The following GABRB2 variants were observed in gnomAD, a reference collection of about 807,000 sequenced individuals.
The protein encoded by GABRB2 is gamma-aminobutyric acid receptor subunit beta-2.
In GABRB2, 16 loss-of-function variants were observed where a neutral mutation model predicts 54.7. The ratio of observed to expected loss-of-function variants is 0.29; its 90% CI spans 0.20 to 0.44. GABRB2 has a LOEUF of 0.44. GABRB2 is among the 20% of genes least tolerant of loss of function. The pLI is 1.00. For synonymous variants in GABRB2, 244 were observed against 233.8 expected (o/e 1.04, Z -0.40); for missense variants, 355 against 644.0 (o/e 0.55, Z 4.86).
chr5:161,386,684 C>T (rs1755648416), intron 5 of GABRB2, among the ~76,000 whole-genome samples: 1 of 152,022 alleles, frequency 6.6e-6, no homozygotes. Flanking sequence ...TGTGGGACTA[C>T]AGGCGTGCTA....
At chr5:161,467,310 A>G (rs1231400692) in intron 3 of GABRB2, among the ~76,000 whole-genome samples, 1 of 152,122 alleles carries the variant, frequency 6.6e-6, no homozygotes, top group Non-Finnish European at 1.5e-5. Flanking sequence ...CCGCTTGTTG[A>G]AAGAACAACT....
chr5:161,392,158 G>A (rs6897303), intron 5 of GABRB2, among the ~76,000 whole-genome samples: 26,885 of 151,994 alleles, frequency 0.18, 3,445 homozygotes, highest in African/African-American at 0.36. Context: ...TGGCCTCTGT[G>A]TTCCAGGCCT....
intron 3 of GABRB2, among the ~76,000 whole-genome samples, chr5:161,513,038 A>G (rs1172720547): frequency 1.3e-5 from 2 of 151,686 alleles, no homozygotes; most frequent in Non-Finnish European, 2.9e-5. Context: ...CAATTATTGC[A>G]AAGATAAAAA....
At chr5:161,505,321 G>A (rs997674910) in intron 3 of GABRB2, among the ~76,000 whole-genome samples, 2 of 151,960 alleles carry the variant, frequency 1.3e-5, no homozygotes, top group Admixed American at 6.6e-5. Flanking sequence ...AGTAGAGACA[G>A]GGTTTCACCA....
chr5:161,381,373 T>C (rs1755462430), intron 5 of GABRB2, among the ~76,000 whole-genome samples: 3 of 152,182 alleles, frequency 2.0e-5, no homozygotes, highest in African/African-American at 7.2e-5. Context: ...GCAGTATCAT[T>C]ATAAGAATTT....
chr5:161,320,089 A>C (rs1046180660), intron 9 of GABRB2, among the ~76,000 whole-genome samples: 4 of 151,150 alleles, frequency 2.6e-5, no homozygotes, highest in African/African-American at 9.7e-5. Flanking sequence ...TTATGTCTTT[A>C]TTTTACTTGT....
intron 3 of GABRB2, among the ~76,000 whole-genome samples, chr5:161,521,049 C>T (rs1760097285): frequency 3.3e-5 from 5 of 151,984 alleles, no homozygotes; most frequent in Admixed American, 2.6e-4. Flanking sequence ...TTGAATGTGT[C>T]AATTCTTTAG....
chr5:161,294,454 C>T (rs900004772), intron 9 of GABRB2, 26 bp from the exon 10 acceptor site: 2 of 1,589,330 alleles, frequency 1.3e-6, no homozygotes, highest in African/African-American at 2.7e-5. Flanking sequence ...ATCAAAAAGA[C>T]AATCAGAACA....
At chr5:161,536,210 T>C (rs1401030105) in intron 3 of GABRB2, among the ~76,000 whole-genome samples, 1 of 152,174 alleles carries the variant, frequency 6.6e-6, no homozygotes, top group East Asian at 1.9e-4. Flanking sequence ...ATTCATGTTA[T>C]GATGATGGTG....
chr5:161,513,871 TG>T (rs965214058), intron 3 of GABRB2, among the ~76,000 whole-genome samples: 4 of 152,100 alleles, frequency 2.6e-5, no homozygotes, highest in African/African-American at 9.7e-5. Flanking sequence ...TAATAGAAAT[TG>T]CAACAAAAAT....
At chr5:161,364,556 G>T (rs923767919) in intron 5 of GABRB2, among the ~76,000 whole-genome samples, 2 of 152,046 alleles carry the variant, frequency 1.3e-5, no homozygotes, top group Non-Finnish European at 2.9e-5. Context: ...GGATTTAAAG[G>T]GATCTTAAAA....
rs536591927 is a variant in GABRB2 at position 161,342,763 on chromosome 5, A to G, written c.542-5994T>C. ...AAGACCCACAGTTCCTCAGAACCAT[A>G]TTCTGATTTTTAGTGGGTTAACCAT... On this transcript the variant is annotated intron_variant, in intron 5 of 9. Transcript: ENST00000393959. Among the ~76,000 whole-genome samples the G allele has an allele frequency of 3.3e-5, 5 of 152,174 alleles. No individual in the cohort carries two copies. In the East Asian group the frequency reaches 9.7e-4, roughly 30 times the overall value.
intron 8 of GABRB2, among the ~76,000 whole-genome samples, chr5:161,327,675 C>T (rs577264337): frequency 2.0e-5 from 3 of 152,216 alleles, no homozygotes; most frequent in African/African-American, 7.2e-5. Context: ...GCAGGCTTCC[C>T]GTTTTCAACC....
intron 3 of GABRB2, among the ~76,000 whole-genome samples, chr5:161,542,067 C>T (rs558881523): frequency 6.6e-5 from 10 of 152,216 alleles, no homozygotes; most frequent in South Asian, 4.2e-4. Flanking sequence ...GAGAGGGAGA[C>T]GGACAGGGGG....
At chr5:161,518,046 G>A (rs950066029) in intron 3 of GABRB2, among the ~76,000 whole-genome samples, 1 of 152,146 alleles carries the variant, frequency 6.6e-6, no homozygotes, top group Admixed American at 6.6e-5. Context: ...CTGACCTCGT[G>A]ATCGGCCCGC....
At chr5:161,304,926 G>A (rs921554818) in intron 9 of GABRB2, among the ~76,000 whole-genome samples, 2 of 151,730 alleles carry the variant, frequency 1.3e-5, no homozygotes, top group Non-Finnish European at 2.9e-5. Context: ...TCGTTGTATG[G>A]GGAAAAAGAT....
At chr5:161,406,894 C>A (rs1022427812) in intron 5 of GABRB2, among the ~76,000 whole-genome samples, 1 of 152,142 alleles carries the variant, frequency 6.6e-6, no homozygotes, top group East Asian at 1.9e-4. Flanking sequence ...AGTTTTATGT[C>A]TTCTAGTTCT....
chr5:161,425,240 T>C (rs1322369093), intron 4 of GABRB2, among the ~76,000 whole-genome samples: 5 of 152,172 alleles, frequency 3.3e-5, no homozygotes, highest in Non-Finnish European at 7.4e-5. Flanking sequence ...GACTCCAATT[T>C]TGAAAGAAGT....
chr5:161,338,235 G>A (rs1424396440), intron 5 of GABRB2, among the ~76,000 whole-genome samples: 1 of 152,124 alleles, frequency 6.6e-6, no homozygotes, highest in Non-Finnish European at 1.5e-5. Context: ...CATAAGAGTA[G>A]CCATCTTTAT....
Sources: allele counts gnomAD v4.1 joint callset (sites outside exome capture counted in the v4.1 genomes callset), GRCh38; gene constraint gnomAD v4.1.1; transcripts MANE v1.5; gene names NCBI Gene and HGNC (gene_info 2026-07-23, HGNC 2026-07-21).